The following ST18 variants were observed in gnomAD, a reference collection of about 807,000 sequenced individuals.
ST18 encodes the protein ST18 C2H2C-type zinc finger transcription factor.
ST18 carries 50 observed loss-of-function variants against 110.0 expected under a neutral mutation model. The observed-to-expected ratio is 0.45, with a 90% CI of 0.36 to 0.58. The LOEUF (loss-of-function observed/expected upper bound fraction) is 0.58, where lower values mean the gene tolerates loss of function less well. ST18 is among the 20% of genes least tolerant of loss of function. The pLI is 0.00. For synonymous variants in ST18, 461 were observed against 452.4 expected (o/e 1.02, Z -0.24); for missense variants, 1,306 against 1,280.1 (o/e 1.02, Z -0.31).
At chr8:52,192,503 C>A (rs967110985) in intron 8 of ST18, among the ~76,000 whole-genome samples, 4 of 152,144 alleles carry the variant, frequency 2.6e-5, no homozygotes, top group Non-Finnish European at 5.9e-5. Flanking sequence ...CACCACAGAG[C>A]CCAGAAATTG....
chr8:52,267,061 G>A (rs2094895183), intron 2 of ST18, among the ~76,000 whole-genome samples: 1 of 152,116 alleles, frequency 6.6e-6, no homozygotes, highest in Non-Finnish European at 1.5e-5. Context: ...ATGGGTACCT[G>A]TGCTTGGAAA....
chr8:52,193,331 G>A (rs746900327), intron 8 of ST18, among the ~76,000 whole-genome samples: 1 of 152,162 alleles, frequency 6.6e-6, no homozygotes, highest in Non-Finnish European at 1.5e-5. Context: ...CTGAAAGTGT[G>A]GGGAGCTGAT....
At chr8:52,207,975 TG>T (rs1190965860) in intron 8 of ST18, among the ~76,000 whole-genome samples, 1 of 152,300 alleles carries the variant, frequency 6.6e-6, no homozygotes, top group Non-Finnish European at 1.5e-5. Flanking sequence ...AAGACACAGG[TG>T]AGTCTTCTCG....
intron 12 of ST18, among the ~76,000 whole-genome samples, chr8:52,164,397 A>G (rs868184231): frequency 2.0e-5 from 3 of 152,232 alleles, no homozygotes; most frequent in Non-Finnish European, 1.5e-5. Flanking sequence ...GCTCATTCCA[A>G]TTGCAATGTA....
chr8:52,200,186 G>GA (rs5891454), intron 8 of ST18, among the ~76,000 whole-genome samples: 44,599 of 151,808 alleles, frequency 0.29, 9,561 homozygotes, highest in African/African-American at 0.61. Flanking sequence ...ATATTCTTAT[G>GA]AAAAAAAGAC....
intron 2 of ST18, among the ~76,000 whole-genome samples, chr8:52,375,661 G>C (rs1441280752): frequency 6.6e-6 from 1 of 152,140 alleles, no homozygotes; most frequent in African/African-American, 2.4e-5. Flanking sequence ...CATGGTGATA[G>C]CACAGATTTA....
chr8:52,330,982 G>C (rs1177635091), intron 2 of ST18, among the ~76,000 whole-genome samples: 1 of 152,168 alleles, frequency 6.6e-6, no homozygotes, highest in East Asian at 1.9e-4. Flanking sequence ...ACAGGGGAAG[G>C]GGCAGGCAGA....
chr8:52,149,116 G>GATGGCTTAT (rs2058143152), intron 16 of ST18, among the ~76,000 whole-genome samples: 1 of 152,212 alleles, frequency 6.6e-6, no homozygotes, highest in Non-Finnish European at 1.5e-5. Flanking sequence ...GCCATAAGGC[G>GATGGCTTAT]AAGGTTAGAT....
At chr8:52,307,801 C>T (rs556239776) in intron 2 of ST18, among the ~76,000 whole-genome samples, 2 of 152,266 alleles carry the variant, frequency 1.3e-5, no homozygotes, top group African/African-American at 2.4e-5. Flanking sequence ...TGCTGAAACT[C>T]TTTTCATGAC....
chr8:52,256,625 A>G (rs928675925), intron 2 of ST18, among the ~76,000 whole-genome samples: 1 of 152,208 alleles, frequency 6.6e-6, no homozygotes, highest in African/African-American at 2.4e-5. Context: ...GCATTAGTGA[A>G]CCAATACATG....
chr8:52,230,221 G>A (rs1451087105), intron 2 of ST18, 144 bp from the exon 3 acceptor site: 1 of 152,152 alleles, frequency 6.6e-6, no homozygotes, highest in African/African-American at 2.4e-5. Flanking sequence ...ATGGGTTGAA[G>A]TATTACCAAT....
At chr8:52,363,776 A>G (rs1398331508) in intron 2 of ST18, among the ~76,000 whole-genome samples, 3 of 152,058 alleles carry the variant, frequency 2.0e-5, no homozygotes, top group Non-Finnish European at 4.4e-5. Context: ...TCTCACTTCA[A>G]TTGTTGTGGT....
intron 2 of ST18, among the ~76,000 whole-genome samples, chr8:52,287,025 G>T (rs1280512676): frequency 6.6e-6 from 1 of 152,084 alleles, no homozygotes; most frequent in East Asian, 1.9e-4. Context: ...CAATATCCAA[G>T]GCTGAAACAG....
At chr8:52,345,791 C>T (rs932572581) in intron 2 of ST18, among the ~76,000 whole-genome samples, 2 of 152,194 alleles carry the variant, frequency 1.3e-5, no homozygotes, top group Non-Finnish European at 2.9e-5. Context: ...GGCTTGACTC[C>T]TTTCTTATCT....
At chr8:52,155,587 G>T (rs1018674943) in intron 15 of ST18, among the ~76,000 whole-genome samples, 2 of 152,148 alleles carry the variant, frequency 1.3e-5, no homozygotes, top group Non-Finnish European at 2.9e-5. Context: ...GTGTTGGGAA[G>T]GGGTGGATCA....
chr8:52,177,091 A>C, intron 9 of ST18, among the ~76,000 whole-genome samples: 2 of 152,120 alleles, frequency 1.3e-5, no homozygotes, highest in East Asian at 3.9e-4. Context: ...TGGGGACCCC[A>C]CACCTGGGCT....
At chr8:52,385,883 A>G (rs1836511053) in intron 2 of ST18, among the ~76,000 whole-genome samples, 1 of 152,178 alleles carries the variant, frequency 6.6e-6, no homozygotes, top group Non-Finnish European at 1.5e-5. Flanking sequence ...AGATTTCTGC[A>G]CTTGGTTTGA....
chr8:52,168,725 G>A (rs2133609411), intron 10 of ST18, among the ~76,000 whole-genome samples: 1 of 152,226 alleles, frequency 6.6e-6, no homozygotes, highest in East Asian at 1.9e-4. Context: ...TATTCTCTCT[G>A]CATTTCGTAA....
chr8:52,269,428 G>A (rs1352896412), intron 2 of ST18, among the ~76,000 whole-genome samples: 1 of 152,184 alleles, frequency 6.6e-6, no homozygotes, highest in Non-Finnish European at 1.5e-5. Flanking sequence ...TAGGATGTTA[G>A]AACTACATGA....
Sources: allele counts gnomAD v4.1 joint callset (sites outside exome capture counted in the v4.1 genomes callset), GRCh38; gene constraint gnomAD v4.1.1; transcripts MANE v1.5; gene names NCBI Gene and HGNC (gene_info 2026-07-23, HGNC 2026-07-21).